ZNF385D: variants seen among roughly 807,000 people sequenced by gnomAD.
ZNF385D encodes zinc finger protein 659.
ZNF385D carries 15 observed loss-of-function variants against 35.8 expected under a neutral mutation model. The observed-to-expected ratio is 0.42, with a 90% CI of 0.28 to 0.64. The LOEUF is 0.64. Among genes scored for constraint, ZNF385D ranks in the 30% least tolerant of loss-of-function variants. The probability of loss-of-function intolerance (pLI) is 0.23; values close to 1 mark genes in which losing one functional copy is unlikely to be tolerated. For missense variants in ZNF385D, 474 were observed against 494.6 expected, an observed-to-expected ratio of 0.96 and a Z score of 0.39; for synonymous variants, 212 against 186.8, an observed-to-expected ratio of 1.13 and a Z score of -1.10.
At chr3:21,811,862 T>G (rs2072934115) in intron 3 of ZNF385D, among the ~76,000 whole-genome samples, 1 of 152,192 alleles carries the variant, frequency 6.6e-6, no homozygotes, top group Admixed American at 6.5e-5. Flanking sequence ...TCATGGATGG[T>G]GAATTGCATA....
chr3:21,989,365 A>G (rs568383959), intron 3 of ZNF385D, among the ~76,000 whole-genome samples: 2 of 152,340 alleles, frequency 1.3e-5, no homozygotes, highest in South Asian at 4.1e-4. Context: ...ATTATTTTCC[A>G]AATTTGCCAT....
At chr3:21,580,362 C>G (rs906672241) in intron 2 of ZNF385D, among the ~76,000 whole-genome samples, 1 of 152,168 alleles carries the variant, frequency 6.6e-6, no homozygotes. Context: ...CAGATCTTTA[C>G]TAACCAGACT....
At chr3:21,820,478 T>C (rs568634820) in intron 3 of ZNF385D, among the ~76,000 whole-genome samples, 1 of 151,672 alleles carries the variant, frequency 6.6e-6, no homozygotes, top group African/African-American at 2.4e-5. Flanking sequence ...AGAGGAAAAT[T>C]TGTCGCAGAA....
Position 22,220,471 on chromosome 3 carries a change from G to A in ZNF385D, c.107-51436C>T, listed in dbSNP as rs527612233. Among the ~76,000 whole-genome samples, 5 of 152,048 alleles carry A rather than the reference G, an allele frequency of 3.3e-5. No homozygotes were observed. The South Asian group carries it at 6.2e-4, about 19-fold the overall frequency. On this transcript the variant is annotated intron_variant, in intron 2 of 5. Coordinates refer to the ZNF385D transcript ENST00000494108. ...ATCTCAACTGGCAATATCACAGCTC[G>A]GTTTAAAAACGTCAGTGGAACCTAT... is the stretch of plus-strand genomic sequence containing the variant.
At chr3:22,258,055 C>T (rs1700405777) in intron 2 of ZNF385D, among the ~76,000 whole-genome samples, 1 of 151,692 alleles carries the variant, frequency 6.6e-6, no homozygotes, top group African/African-American at 2.4e-5. Context: ...TTAAATGTTT[C>T]CTACAGAGGT....
At chr3:21,935,712 T>G (rs1701225685) in intron 3 of ZNF385D, among the ~76,000 whole-genome samples, 2 of 145,126 alleles carry the variant, frequency 1.4e-5, no homozygotes, top group Non-Finnish European at 3.0e-5. Flanking sequence ...TTCCCTAAAA[T>G]CTCATCCCAA....
At chr3:22,143,684 C>T (rs932191594) in intron 3 of ZNF385D, among the ~76,000 whole-genome samples, 1 of 152,030 alleles carries the variant, frequency 6.6e-6, no homozygotes, top group African/African-American at 2.4e-5. Flanking sequence ...ATGTAATGAA[C>T]ATCAACATAT....
chr3:21,711,039 G>GTTTTTTTTTTTTTTTTTTTTTTTTTT (rs869252663), intron 1 of ZNF385D, among the ~76,000 whole-genome samples: 4 of 83,152 alleles, frequency 4.8e-5, no homozygotes, highest in African/African-American at 2.1e-4. Flanking sequence ...CCCTCTAAAA[G>GTTTTTTTTTTTTTTTTTTTTTTTTTT]TTTTTTTTTT....
chr3:21,951,209 T>TCTCTTA (rs939201133), intron 3 of ZNF385D, among the ~76,000 whole-genome samples: 1 of 151,802 alleles, frequency 6.6e-6, no homozygotes, highest in Non-Finnish European at 1.5e-5. Context: ...GTTTCTGTCC[T>TCTCTTA]CTCTTACTTC....
chr3:22,255,274 C>G (rs938461279), intron 2 of ZNF385D, among the ~76,000 whole-genome samples: 1 of 150,762 alleles, frequency 6.6e-6, no homozygotes, highest in African/African-American at 2.4e-5. Flanking sequence ...CATGTATTCC[C>G]CCCCCCAAAA....
intron 2 of ZNF385D, among the ~76,000 whole-genome samples, chr3:22,196,022 G>A (rs758104901): frequency 2.0e-5 from 3 of 152,058 alleles, no homozygotes; most frequent in South Asian, 2.1e-4. Flanking sequence ...GGGTCTTTTC[G>A]AGGGTGGAGG....
intron 3 of ZNF385D, among the ~76,000 whole-genome samples, chr3:21,855,143 T>C (rs932262396): frequency 2.6e-5 from 4 of 151,966 alleles, no homozygotes; most frequent in African/African-American, 9.7e-5. Flanking sequence ...CCACACCCAT[T>C]CCCATACCTA....
intron 3 of ZNF385D, among the ~76,000 whole-genome samples, chr3:21,854,891 G>T (rs754165857): frequency 6.6e-6 from 1 of 151,988 alleles, no homozygotes; most frequent in Non-Finnish European, 1.5e-5. Context: ...TGACAGGTTT[G>T]AGTAGTAAAT....
At chr3:21,505,451 A>G (rs910699005) in intron 4 of ZNF385D, among the ~76,000 whole-genome samples, 9 of 151,902 alleles carry the variant, frequency 5.9e-5, no homozygotes, top group Non-Finnish European at 1.0e-4. Context: ...TAAGGCACAC[A>G]CCCCTACACG....
At chr3:21,746,427 T>C (rs532950246) in intron 1 of ZNF385D, among the ~76,000 whole-genome samples, 42 of 152,338 alleles carry the variant, frequency 2.8e-4, no homozygotes, top group Admixed American at 1.7e-3. Context: ...AAAAAGAGAA[T>C]AGTCTTGAGG....
At chr3:22,197,731 T>A (rs1166121198) in intron 2 of ZNF385D, among the ~76,000 whole-genome samples, 1 of 152,102 alleles carries the variant, frequency 6.6e-6, no homozygotes, top group Non-Finnish European at 1.5e-5. Context: ...TTCCCCTGCA[T>A]TCTGTTCAGA....
In ZNF385D at chr3:21,885,879, A is replaced by G. The variant is rs556328058; in HGVS notation, c.326-220851T>C. Among the ~76,000 whole-genome samples the G allele has an allele frequency of 1.7e-4, 26 of 151,916 alleles. No homozygotes were observed. The South Asian group carries it at 5.0e-3, about 29-fold the overall frequency. ...AGGAGTTACAGTTATAGTCCAAAAT[A>G]ATTCCTCCTAGCTCAGTGGAGGTCA... is the stretch of plus-strand genomic sequence containing the variant. On this transcript the variant is annotated intron_variant, in intron 3 of 5. Coordinates refer to the ZNF385D transcript ENST00000494108.
At chr3:21,471,214 G>A (rs1386491931) in intron 4 of ZNF385D, among the ~76,000 whole-genome samples, 3 of 150,546 alleles carry the variant, frequency 2.0e-5, no homozygotes, top group Admixed American at 6.6e-5. Context: ...TTCCTTCCAG[G>A]ATTCATTTCA....
chr3:21,543,204 A>G (rs2062240805), intron 3 of ZNF385D, among the ~76,000 whole-genome samples: 1 of 152,110 alleles, frequency 6.6e-6, no homozygotes, highest in Non-Finnish European at 1.5e-5. Context: ...TCAGCTACAC[A>G]GGGGGCTGAG....
Sources: allele counts gnomAD v4.1 joint callset (sites outside exome capture counted in the v4.1 genomes callset), GRCh38; gene constraint gnomAD v4.1.1; transcripts MANE v1.5; gene names NCBI Gene and HGNC (gene_info 2026-07-23, HGNC 2026-07-21).